WDR70: variants seen among roughly 807,000 people sequenced by gnomAD.
WDR70 encodes the protein WD repeat domain 70, also known as WD repeat-containing protein 70.
In WDR70, 53 loss-of-function variants were observed where a neutral mutation model predicts 88.6. That is an observed-to-expected ratio of 0.60 (90% CI 0.48 to 0.75). The LOEUF (loss-of-function observed/expected upper bound fraction) is 0.75, where lower values mean the gene tolerates loss of function less well. Ranked by LOEUF, WDR70 falls within the 30% of genes least tolerant of loss-of-function variation. The probability of loss-of-function intolerance (pLI) is 0.00; values close to 1 mark genes in which losing one functional copy is unlikely to be tolerated. For synonymous variants in WDR70, 280 were observed against 270.0 expected (o/e 1.04, Z -0.36); for missense variants, 610 against 823.2 (o/e 0.74, Z 3.17).
At position 37,707,992 on chromosome 5, in the gene WDR70, T is replaced by G. The variant is rs867938853; in HGVS notation, c.1416+4905T>G. 2.9e-3 allele frequency among the ~76,000 whole-genome samples: 286 copies of G among 98,920 alleles called. 6 individuals carry two copies. Among genetic ancestry groups the G allele is most frequent in the African/African-American group, 9.6e-3 (271 of 28,328 alleles). 64.9% of individuals were successfully genotyped at this position (98,920 alleles called of 152,430 possible). ...ATATATATATATATATATATATATA[T>G]AGTTGATTGAAAATCTTAATATTAA... On this transcript the variant is annotated intron_variant, in intron 13 of 17. Coordinates refer to ENST00000265107, the MANE Select transcript of WDR70 (RefSeq NM_018034.4).
chr5:37,489,348 A>G (rs900215118), intron 8 of WDR70, among the ~76,000 whole-genome samples: 2 of 152,120 alleles, frequency 1.3e-5, no homozygotes, highest in Admixed American at 6.5e-5. Context: ...AGCATTGTGC[A>G]TGGTGTTGGT....
chr5:37,445,890 T>A (rs769244397), intron 7 of WDR70, among the ~76,000 whole-genome samples: 1 of 152,216 alleles, frequency 6.6e-6, no homozygotes, highest in Non-Finnish European at 1.5e-5. Flanking sequence ...AAGACAGGGA[T>A]GCCCTCTCTC....
chr5:37,392,591 G>T (rs556158553), intron 4 of WDR70, among the ~76,000 whole-genome samples: 6 of 151,832 alleles, frequency 4.0e-5, no homozygotes, highest in Non-Finnish European at 7.4e-5. Context: ...TGATCTGTCC[G>T]CCTCATTCTC....
At chr5:37,678,745 A>G (rs976759597) in intron 10 of WDR70, among the ~76,000 whole-genome samples, 1 of 152,078 alleles carries the variant, frequency 6.6e-6, no homozygotes, top group African/African-American at 2.4e-5. Flanking sequence ...TTTTTGTGGC[A>G]TTCTCTGTAT....
intron 9 of WDR70, among the ~76,000 whole-genome samples, chr5:37,597,497 T>C (rs1222902127): frequency 1.3e-5 from 2 of 152,246 alleles, no homozygotes; most frequent in African/African-American, 4.8e-5. Context: ...TCTAACTTGA[T>C]GAAATGTCTG....
At chr5:37,528,998 A>G (rs1034082274) in intron 9 of WDR70, among the ~76,000 whole-genome samples, 2 of 139,830 alleles carry the variant, frequency 1.4e-5, no homozygotes, top group African/African-American at 5.2e-5. Context: ...TGATTTTTGT[A>G]TAAGATGAGA....
chr5:37,719,059 G>C (rs1178289984), intron 13 of WDR70, among the ~76,000 whole-genome samples: 1 of 152,174 alleles, frequency 6.6e-6, no homozygotes, highest in African/African-American at 2.4e-5. Flanking sequence ...TCTTGGCTCA[G>C]ATGGATTTCT....
chr5:37,672,997 C>A (rs1013276476), intron 10 of WDR70, among the ~76,000 whole-genome samples: 1 of 151,984 alleles, frequency 6.6e-6, no homozygotes, highest in Admixed American at 6.5e-5. Flanking sequence ...ATTTTTTCAC[C>A]CAGGTATTAA....
At chr5:37,488,057 AGT>A (rs1739945725) in intron 8 of WDR70, among the ~76,000 whole-genome samples, 1 of 142,916 alleles carries the variant, frequency 7.0e-6, no homozygotes, top group African/African-American at 2.6e-5. Context: ...ATAACTGCTG[AGT>A]GTACTAGTCT....
At chr5:37,728,058 A>C (rs1053838850) in intron 17 of WDR70, among the ~76,000 whole-genome samples, 1 of 152,106 alleles carries the variant, frequency 6.6e-6, no homozygotes, top group Non-Finnish European at 1.5e-5. Context: ...GTATAATACT[A>C]TTAACTAGCC....
At chr5:37,426,917 G>A (rs891075811) in intron 5 of WDR70, among the ~76,000 whole-genome samples, 2 of 151,634 alleles carry the variant, frequency 1.3e-5, no homozygotes, top group Non-Finnish European at 2.9e-5. Flanking sequence ...CTGGGAATAC[G>A]GGTGTGCACA....
chr5:37,634,231 G>A (rs777730743), intron 10 of WDR70, among the ~76,000 whole-genome samples: 13 of 151,066 alleles, frequency 8.6e-5, no homozygotes, highest in Non-Finnish European at 1.5e-4. Flanking sequence ...CCCAGGTGGC[G>A]GAGCTTGTAG....
chr5:37,411,934 T>C (rs962376818), intron 5 of WDR70, among the ~76,000 whole-genome samples: 1 of 151,226 alleles, frequency 6.6e-6, no homozygotes, highest in East Asian at 1.9e-4. Context: ...TTATAATTTC[T>C]TTTTGATAAA....
chr5:37,596,691 A>T (rs2112459548), intron 9 of WDR70, among the ~76,000 whole-genome samples: 1 of 152,324 alleles, frequency 6.6e-6, no homozygotes, highest in African/African-American at 2.4e-5. Context: ...AGAGAAGTAG[A>T]TTTATTGATA....
chr5:37,402,590 A>G (rs1272953027), intron 5 of WDR70, among the ~76,000 whole-genome samples: 2 of 152,166 alleles, frequency 1.3e-5, no homozygotes, highest in Non-Finnish European at 2.9e-5. Context: ...AAAACAGGGT[A>G]ATTGGGATAT....
chr5:37,708,134 TTA>T (rs1747412231), intron 13 of WDR70, among the ~76,000 whole-genome samples: 1 of 150,468 alleles, frequency 6.6e-6, no homozygotes, highest in South Asian at 2.1e-4. Context: ...AAGGATTATC[TTA>T]TATTTTTACT....
At chr5:37,452,366 A>G (rs1738702454) in intron 7 of WDR70, among the ~76,000 whole-genome samples, 1 of 152,016 alleles carries the variant, frequency 6.6e-6, no homozygotes, top group Non-Finnish European at 1.5e-5. Context: ...TCCGGGTTCA[A>G]GCGATTCTCC....
chr5:37,430,526 A>G (rs1346148717), intron 5 of WDR70, among the ~76,000 whole-genome samples: 2 of 152,080 alleles, frequency 1.3e-5, no homozygotes, highest in African/African-American at 4.8e-5. Flanking sequence ...TACTGTTGTA[A>G]TTAATTAATA....
chr5:37,486,117 A>C (rs528610853), intron 8 of WDR70, among the ~76,000 whole-genome samples: 40 of 152,096 alleles, frequency 2.6e-4, no homozygotes, highest in South Asian at 4.1e-4. Flanking sequence ...TTATTTGTTC[A>C]TGGAACTTTC....
Sources: allele counts gnomAD v4.1 joint callset (sites outside exome capture counted in the v4.1 genomes callset), GRCh38; gene constraint gnomAD v4.1.1; transcripts MANE v1.5; gene names NCBI Gene and HGNC (gene_info 2026-07-23, HGNC 2026-07-21).